ANAPC7: variants seen among roughly 807,000 people sequenced by gnomAD.
The protein encoded by ANAPC7 is anaphase-promoting complex subunit 7.
In ANAPC7, 25 loss-of-function variants were observed where a neutral mutation model predicts 63.3. The ratio of observed to expected loss-of-function variants is 0.39; its 90% confidence interval spans 0.29 to 0.55. The LOEUF is 0.55. ANAPC7 is among the 20% of genes least tolerant of loss of function. The probability of loss-of-function intolerance (pLI) is 0.57; values close to 1 mark genes in which losing one functional copy is unlikely to be tolerated. For missense variants in ANAPC7, 516 were observed against 691.7 expected (o/e 0.75, Z 2.85); for synonymous variants, 241 against 251.7 (o/e 0.96, Z 0.40).
intron 1 of ANAPC7, among the ~76,000 whole-genome samples, chr12:110,399,648 A>G (rs906329742): frequency 1.3e-5 from 2 of 152,004 alleles, no homozygotes; most frequent in Non-Finnish European, 2.9e-5. Flanking sequence ...TATTGTGGCC[A>G]TGTGCGGTGG....
intron 3 of ANAPC7, among the ~76,000 whole-genome samples, chr12:110,393,913 C>T (rs1363603881): frequency 6.6e-6 from 1 of 150,624 alleles, no homozygotes; most frequent in Non-Finnish European, 1.5e-5. Context: ...TGGCTCACGC[C>T]TGTAATCCTA....
chr12:110,394,808 T>G (rs938678364), intron 3 of ANAPC7, among the ~76,000 whole-genome samples: 3 of 152,044 alleles, frequency 2.0e-5, no homozygotes, highest in Middle Eastern at 3.4e-3. Context: ...ATCACAACAC[T>G]GTACTGTAGC....
rs760786613 is a variant in ANAPC7 at position 110,377,516 on chromosome 12, G to A, written c.1234C>T (p.Leu412Phe). The A allele has an allele frequency of 3.1e-6, 5 of 1,614,198 alleles. No homozygotes were observed. Among genetic ancestry groups the A allele is most frequent in the Non-Finnish European group, 4.2e-6 (5 of 1,180,038 alleles). Residue 412 changes from leucine (L) to phenylalanine (F), a missense_variant, in exon 9 of 11, where the codon CTT (leucine) becomes TTT (phenylalanine). Physicochemically the swap from Leu to Phe is conservative, Grantham distance 22. This residue lies in a region of ANAPC7 where 122 missense variants were observed against 212.0 expected (regional missense o/e 0.58). Transcript: ENST00000455511. ...TLGANAQTLT[L>F]LATVCLEDPV... ...TCTTCAAGACAAACGGTGGCTAAAA[G>A]GGTAAGGGTCTGTGCATTTGCTCCC... is the stretch of plus-strand genomic sequence containing the variant.
rs185944784 is a variant in ANAPC7 at position 110,395,728 on chromosome 12, C to T, written c.289-508G>A. ...TAATTTTTTGTATTTTTAGTAGAGACGGCGTTTCACCGTGTTAGCCAGGAT... is the reference window on the plus strand; with the variant it reads ...TAATTTTTTGTATTTTTAGTAGAGATGGCGTTTCACCGTGTTAGCCAGGAT... On this transcript the variant is annotated intron_variant, in intron 2 of 10. Coordinates refer to ENST00000455511, the MANE Select transcript of ANAPC7 (RefSeq NM_016238.3). 3.8e-4 allele frequency among the ~76,000 whole-genome samples: 58 copies of T among 152,128 alleles called. No homozygotes were observed. The East Asian group carries it at 6.6e-3, about 17-fold the overall frequency.
chr12:110,373,024 C>T lies in ANAPC7; in HGVS notation c.*1120G>A, dbSNP rs1880966593. The T allele has an allele frequency of 6.6e-6, 1 of 152,122 alleles. No homozygotes were observed. The highest frequency in any genetic ancestry group is 6.5e-5 in the Admixed American group (1 of 15,272). The allele number at this position is 152,122 out of a possible 1,614,324, so 9.4% of individuals were successfully genotyped here. ...ACATCAAATTTATATTTTGCAGCACCTTGGACTAATTTTTGAATTTGGGAT... is the reference window on the plus strand; with the variant it reads ...ACATCAAATTTATATTTTGCAGCACTTTGGACTAATTTTTGAATTTGGGAT... On this transcript the variant is annotated 3_prime_UTR_variant, in exon 11 of 11. Coordinates refer to ENST00000455511, the MANE Select transcript of ANAPC7 (RefSeq NM_016238.3).
At position 110,397,020 on chromosome 12, in the gene ANAPC7, G is replaced by A. The variant is rs182860198; in HGVS notation, c.102-568C>T. 3.3e-5 allele frequency among the ~76,000 whole-genome samples: 5 copies of A among 151,310 alleles called. No homozygotes were observed. In the East Asian group the frequency reaches 7.9e-4, roughly 24 times the overall value. Reference sequence around the variant, plus strand: ...AGATCGAGACCATCCTGGCTAACGCGGTGAAACCCCATCTCTACTAAAAAA... The same window carrying A: ...AGATCGAGACCATCCTGGCTAACGCAGTGAAACCCCATCTCTACTAAAAAA... On this transcript the variant is annotated intron_variant, in intron 1 of 10. Transcript: ENST00000455511.
At position 110,396,272 on chromosome 12, in the gene ANAPC7, T is replaced by C. The variant is rs1301253338; in HGVS notation, c.282A>G (p.Gln94=). ...CAATTCTATCTCCAATTACCTGACT[T>C]TGTGGAGTAGATGCAGAATTTCCAG... is the stretch of plus-strand genomic sequence containing the variant. ...PSTGNSASTP[Q]SQCLPSEIEV... Residue 94 remains glutamine (Q), a synonymous_variant, in exon 2 of 11, where the codon CAA becomes CAG. Coordinates refer to ENST00000455511, the MANE Select transcript of ANAPC7 (RefSeq NM_016238.3). 1 of 1,608,488 alleles carries C rather than the reference T, an allele frequency of 6.2e-7. No homozygotes were observed. The highest frequency in any genetic ancestry group is 8.5e-7 in the Non-Finnish European group (1 of 1,178,476).
chr12:110,395,321 T>C (rs1883479664), intron 2 of ANAPC7, 101 bp from the exon 3 acceptor site: 2 of 1,039,952 alleles, frequency 1.9e-6, no homozygotes, highest in African/African-American at 3.3e-5. Flanking sequence ...AGCAATTCTT[T>C]TTTTTTTTTT....
In ANAPC7 at chr12:110,396,254, A is replaced by C; in HGVS notation, c.288+12T>G. 6.3e-7 allele frequency: 1 copy of C among 1,583,768 alleles called. No individual in the cohort carries two copies. ...AAAAAAAAAAAAAAATCACAATTCT[A>C]TCTCCAATTACCTGACTTTGTGGAG... is the stretch of plus-strand genomic sequence containing the variant. On this transcript the variant is annotated intron_variant, in intron 2 of 10. Coordinates refer to ENST00000455511, the MANE Select transcript of ANAPC7 (RefSeq NM_016238.3).
intron 3 of ANAPC7, among the ~76,000 whole-genome samples, chr12:110,392,546 A>G (rs1240002682): frequency 6.6e-6 from 1 of 152,202 alleles, no homozygotes; most frequent in Non-Finnish European, 1.5e-5. Flanking sequence ...CACAAGTTGC[A>G]CAAAACAGTT....
At chr12:110,382,459 AAAATATATAT>A (rs1473265539) in intron 7 of ANAPC7, among the ~76,000 whole-genome samples, 16 of 51,960 alleles carry the variant, frequency 3.1e-4, no homozygotes, top group African/African-American at 7.3e-4. Flanking sequence ...AAAAAAAAAA[AAAATATATAT>A]ATATATATAT....
chr12:110,386,614 T>A (rs1882477795), intron 5 of ANAPC7, 145 bp from the exon 6 acceptor site: 1 of 785,196 alleles, frequency 1.3e-6, no homozygotes, highest in African/African-American at 1.8e-5. Context: ...AGCTTATGAC[T>A]TTAAAAAAAG....
chr12:110,388,578 G>A lies in ANAPC7; in HGVS notation c.454C>T (p.Arg152Cys), dbSNP rs750063065. 3 of 1,614,136 alleles carry A rather than the reference G, an allele frequency of 1.9e-6. No individual in the cohort carries two copies. Among genetic ancestry groups the A allele is most frequent in the South Asian group, 1.1e-5 (1 of 91,082 alleles). ...ANLYKKAGQE[R>C]PSVTSYKEVL... Reference sequence around the variant, plus strand: ...TCCTTATAGCTGGTGACTGAAGGGCGCTCCTGACCAGCCTTCTTGTACAGG... The same window carrying A: ...TCCTTATAGCTGGTGACTGAAGGGCACTCCTGACCAGCCTTCTTGTACAGG... Residue 152 changes from arginine to cysteine, a missense_variant, in exon 4 of 11, where the codon CGC (arginine) becomes TGC (cysteine). Around this residue, in one of 4 missense-constraint regions of ANAPC7, gnomAD observed 185 missense variants for 200.3 expected, o/e 0.92. Transcript: ENST00000455511.
chr12:110,399,646 C>T (rs754160625), intron 1 of ANAPC7, among the ~76,000 whole-genome samples: 6 of 151,922 alleles, frequency 3.9e-5, no homozygotes, highest in Admixed American at 3.9e-4. Context: ...ATTATTGTGG[C>T]CATGTGCGGT....
chr12:110,388,161 C>T lies in ANAPC7; in HGVS notation c.521-269G>A, dbSNP rs369274675. Among the ~76,000 whole-genome samples the T allele has an allele frequency of 7.0e-4, 107 of 152,224 alleles. 1 individual carries two copies. In the East Asian group the frequency reaches 0.014, roughly 20 times the overall value. On this transcript the variant is annotated intron_variant, in intron 4 of 10. Transcript: ENST00000455511. Reference sequence around the variant, plus strand: ...AAGCGATACTCATGCCCCAGCCTTCCGAGAAGCTGGGACTACAGGCACGCG... The same window carrying T: ...AAGCGATACTCATGCCCCAGCCTTCTGAGAAGCTGGGACTACAGGCACGCG...
rs1881059112 is a variant in ANAPC7, at chr12:110,374,338, G to A, written c.1509-5C>T. 2 of 1,613,064 alleles carry A rather than the reference G, an allele frequency of 1.2e-6. No individual in the cohort carries two copies. Among genetic ancestry groups the A allele is most frequent in the Non-Finnish European group, 1.7e-6 (2 of 1,179,428 alleles). On this transcript the variant is annotated splice_region_variant and splice_polypyrimidine_tract_variant and intron_variant, in intron 10 of 10. Coordinates refer to ENST00000455511, the MANE Select transcript of ANAPC7 (RefSeq NM_016238.3). ...TTCTGGTCATTGGGGTCCAAACTAG[G>A]GGACAACAAAACAAAGGAGAGGCCT...
intron 1 of ANAPC7, among the ~76,000 whole-genome samples, chr12:110,402,678 A>C (rs1403255385): frequency 6.6e-6 from 1 of 152,014 alleles, no homozygotes; most frequent in Non-Finnish European, 1.5e-5. Flanking sequence ...TCAAGGATGG[A>C]ATCAGCTCAG....
At chr12:110,392,298 C>A (rs1279666727) in intron 3 of ANAPC7, among the ~76,000 whole-genome samples, 1 of 152,074 alleles carries the variant, frequency 6.6e-6, no homozygotes, top group Non-Finnish European at 1.5e-5. Flanking sequence ...TTTTTAATAG[C>A]AGCCACCATC....
chr12:110,391,781 T>C (rs953256865), intron 3 of ANAPC7, among the ~76,000 whole-genome samples: 2 of 152,184 alleles, frequency 1.3e-5, no homozygotes, highest in African/African-American at 4.8e-5. Flanking sequence ...AGGAATAGTA[T>C]CCTTCAAAGT....
Sources: gnomAD v4.1 joint callset for allele counts (sites outside exome capture counted in the v4.1 genomes callset) on GRCh38, gnomAD v4.1.1 for gene constraint, gnomAD v4.1.1 regional missense constraint, MANE v1.5 for transcripts, NCBI Gene and HGNC (gene_info 2026-07-23, HGNC 2026-07-21) for gene names.